MICAL2: variants seen among roughly 807,000 people sequenced by gnomAD.
MICAL2 encodes microtubule associated monooxygenase, calponin and LIM domain containing 2.
A neutral mutation model predicts 127.3 loss-of-function variants in MICAL2; 77 were observed. That is an observed-to-expected ratio of 0.60 (90% CI 0.50 to 0.73). The LOEUF (loss-of-function observed/expected upper bound fraction) is 0.73, where lower values mean the gene tolerates loss of function less well. Among genes scored for constraint, MICAL2 ranks in the 30% least tolerant of loss-of-function variants. MICAL2 has a pLI of 0.00. For missense variants in MICAL2, 1,351 were observed against 1,434.4 expected (o/e 0.94, Z 0.94); for synonymous variants, 570 against 551.1 (o/e 1.03, Z -0.48).
At chr11:12,296,514 C>T (rs1422505086), downstream of MICAL2, among the ~76,000 whole-genome samples, 1 of 148,330 alleles carries the variant, frequency 6.7e-6, no homozygotes, top group Non-Finnish European at 1.5e-5. Context: ...AAATGCATAA[C>T]ACATTAAATT....
Position 12,208,647 on chromosome 11 carries a change from G to A in MICAL2, c.589+508G>A, listed in dbSNP as rs149706789. On this transcript the variant is annotated intron_variant, in intron 5 of 27. Transcript: ENST00000683283. The stretch of plus-strand genomic sequence containing the variant: ...CATTTATAAACTATGATATTTGCCC[G>A]TATAGGCATATCATAATGTTTCTCT... 2.2e-3 allele frequency among the ~76,000 whole-genome samples: 335 copies of A among 152,276 alleles called. 6 individuals are homozygous for A. In the East Asian group the frequency reaches 0.034, roughly 16 times the overall value.
intron 3 of MICAL2, among the ~76,000 whole-genome samples, chr11:12,194,874 A>AAAT (rs1565138241): frequency 1.3e-5 from 2 of 152,248 alleles, no homozygotes; most frequent in African/African-American, 2.4e-5. Flanking sequence ...GTAATTTTTC[A>AAAT]CATCAAATGA....
chr11:12,339,929 G>T (rs1178553320), intron 32 of MICAL2, among the ~76,000 whole-genome samples: 1 of 152,212 alleles, frequency 6.6e-6, no homozygotes, highest in African/African-American at 2.4e-5. Context: ...CCCGTTCTCA[G>T]TTCTCAAGCT....
At chr11:12,143,801 A>G (rs754603917) in intron 2 of MICAL2, among the ~76,000 whole-genome samples, 2 of 152,226 alleles carry the variant, frequency 1.3e-5, no homozygotes, top group African/African-American at 2.4e-5. Flanking sequence ...ATAAAGACCA[A>G]CAAAAAATAT....
chr11:12,182,664 A>C (rs1464432053), intron 3 of MICAL2, among the ~76,000 whole-genome samples: 2 of 152,158 alleles, frequency 1.3e-5, no homozygotes, highest in African/African-American at 4.8e-5. Flanking sequence ...TTAAGGTCAC[A>C]CCACACAGTC....
downstream of MICAL2, among the ~76,000 whole-genome samples, chr11:12,288,443 C>T (rs1863854297): frequency 6.6e-6 from 1 of 152,162 alleles, no homozygotes; most frequent in Non-Finnish European, 1.5e-5. Context: ...GGTGGGAGAC[C>T]CTCCCAATAG....
At chr11:12,285,331 G>A (rs912921313) in intron 2 of MICAL2, among the ~76,000 whole-genome samples, 3 of 152,166 alleles carry the variant, frequency 2.0e-5, no homozygotes, top group Non-Finnish European at 4.4e-5. Context: ...GGGAAGGTTC[G>A]GAATCTTGCA....
At chr11:12,334,605 C>G (rs1243157781) in intron 32 of MICAL2, among the ~76,000 whole-genome samples, 2 of 108,352 alleles carry the variant, frequency 1.8e-5, no homozygotes, top group Non-Finnish European at 3.8e-5. Context: ...TCCCCCCTCC[C>G]CCCACCCCCC....
chr11:12,165,510 G>A (rs1855396440), intron 3 of MICAL2, among the ~76,000 whole-genome samples: 1 of 152,230 alleles, frequency 6.6e-6, no homozygotes, highest in Non-Finnish European at 1.5e-5. Context: ...GGTTTGTCAG[G>A]TACCAGGCAT....
chr11:12,332,555 C>T (rs540912028), intron 32 of MICAL2, among the ~76,000 whole-genome samples: 92 of 152,100 alleles, frequency 6.0e-4, no homozygotes, highest in African/African-American at 2.2e-3. Flanking sequence ...AAGTAAACAA[C>T]AAAAGTCAGT....
At chr11:12,339,389 G>T (rs188912200) in intron 32 of MICAL2, among the ~76,000 whole-genome samples, 1 of 151,992 alleles carries the variant, frequency 6.6e-6, no homozygotes, top group Admixed American at 6.5e-5. Flanking sequence ...TTTGCCATTG[G>T]TTCGAACTTC....
intron 16 of MICAL2, 79 bp from the exon 17 acceptor site, chr11:12,239,357 C>T (rs1590562955): frequency 7.5e-6 from 12 of 1,591,340 alleles, no homozygotes; most frequent in African/African-American, 1.3e-5. Flanking sequence ...GCTAGTCCCA[C>T]GTCCTGAGTC....
At chr11:12,176,028 G>A (rs1856804741) in intron 3 of MICAL2, among the ~76,000 whole-genome samples, 1 of 152,176 alleles carries the variant, frequency 6.6e-6, no homozygotes, top group Admixed American at 6.5e-5. Flanking sequence ...GTGAAATCTT[G>A]GGGATGAAAA....
In MICAL2 at chr11:12,254,519, C is replaced by G. The variant is rs11828694; in HGVS notation, c.2848-1124C>G. 685 of 152,598 alleles carry G rather than the reference C, an allele frequency of 4.5e-3. 4 individuals are homozygous for G. The highest frequency in any genetic ancestry group is 0.016 in the African/African-American group (656 of 41,574). 9.5% of individuals were successfully genotyped at this position (152,598 alleles called of 1,614,324 possible). On this transcript the variant is annotated intron_variant, in intron 22 of 27. Transcript: ENST00000683283. ...CTTTCTGTCTGAGGGGGCTTGGTTCCTGATTTTCTTCTCCTCTTTGCTTGG... is the reference window on the plus strand; with the variant it reads ...CTTTCTGTCTGAGGGGGCTTGGTTCGTGATTTTCTTCTCCTCTTTGCTTGG...
chr11:12,330,932 T>C (rs990644839), intron 32 of MICAL2, among the ~76,000 whole-genome samples: 1 of 144,696 alleles, frequency 6.9e-6, no homozygotes, highest in Non-Finnish European at 1.5e-5. Flanking sequence ...TGTGTGTGTG[T>C]CTGTATGTGT....
intron 3 of MICAL2, among the ~76,000 whole-genome samples, chr11:12,191,288 A>C (rs1859065721): frequency 6.6e-6 from 1 of 151,932 alleles, no homozygotes; most frequent in Non-Finnish European, 1.5e-5. Context: ...AACATGGTGA[A>C]ACCCTATCTC....
chr11:12,340,749 G>A (rs962128406), intron 32 of MICAL2, among the ~76,000 whole-genome samples: 1 of 152,058 alleles, frequency 6.6e-6, no homozygotes, highest in African/African-American at 2.4e-5. Flanking sequence ...ACATAATTTT[G>A]AATTTAAAAC....
intron 34 of MICAL2, among the ~76,000 whole-genome samples, chr11:12,355,954 GA>G (rs1666945072): frequency 2.9e-5 from 1 of 35,072 alleles, no homozygotes; most frequent in East Asian, 1.6e-3. Flanking sequence ...ACTGAGAGAG[GA>G]TTTTTTTTTT....
rs1181024422 is a variant in MICAL2, at chr11:12,226,295, C to T, written c.1813C>T (p.Pro605Ser). 6.2e-7 allele frequency: 1 copy of T among 1,614,262 alleles called. No homozygotes were observed. Reference sequence around the variant, plus strand: ...CAAAGAGATGGCATCTGCCCAGGAGCCTGACAAGCTCAGCATGGTCATGTA... The same window carrying T: ...CAAAGAGATGGCATCTGCCCAGGAGTCTGACAAGCTCAGCATGGTCATGTA... ...TGKEMASAQE[P>S]DKLSMVMYLS... The change falls in exon 14 of 28, where the codon CCT becomes TCT. Residue 605 changes from proline to serine, a missense_variant. By Grantham distance (74) the Pro-to-Ser change is moderately conservative (BLOSUM62 -1). Around this residue, in one of 2 missense-constraint regions of MICAL2, gnomAD observed 752 missense variants for 719.4 expected, o/e 1.05. Transcript: ENST00000683283.
Sources: allele counts gnomAD v4.1 joint callset (sites outside exome capture counted in the v4.1 genomes callset), GRCh38; gene constraint gnomAD v4.1.1; regional missense constraint gnomAD v4.1.1; transcripts MANE v1.5; gene names NCBI Gene and HGNC (gene_info 2026-07-23, HGNC 2026-07-21).